Variants in NRCAM observed in about 807,000 individuals in gnomAD.
The protein encoded by NRCAM is NgCAM-related cell adhesion molecule.
A neutral mutation model predicts 156.5 loss-of-function variants in NRCAM; 83 were observed. That is an observed-to-expected ratio of 0.53 (90% CI 0.44 to 0.64). The LOEUF (loss-of-function observed/expected upper bound fraction) is 0.64, where lower values mean the gene tolerates loss of function less well. NRCAM is among the 30% of genes least tolerant of loss of function. The pLI is 0.00. For synonymous variants in NRCAM, 538 were observed against 563.9 expected (o/e 0.95, Z 0.65); for missense variants, 1,417 against 1,597.3 (o/e 0.89, Z 1.92).
intron 1 of NRCAM, among the ~76,000 whole-genome samples, chr7:108,409,357 T>C (rs1182169938): frequency 2.0e-5 from 3 of 152,180 alleles, no homozygotes; most frequent in Admixed American, 6.5e-5. Context: ...GCTCAATGCA[T>C]TGCACCTCCC....
At chr7:108,208,086 G>A (rs1300807677) in intron 12 of NRCAM, among the ~76,000 whole-genome samples, 1 of 150,890 alleles carries the variant, frequency 6.6e-6, no homozygotes, top group African/African-American at 2.4e-5. Flanking sequence ...TTGAGGTCAG[G>A]AGTTCGAAAC....
At chr7:108,177,939 T>C (rs1563275320) in intron 26 of NRCAM, 51 bp downstream of exon 26, 2 of 1,520,426 alleles carry the variant, frequency 1.3e-6, no homozygotes, top group East Asian at 2.4e-5. Context: ...ATTAAAATAA[T>C]AAATAAAATA....
At chr7:108,178,747 A>G (rs2061993749) in intron 25 of NRCAM, among the ~76,000 whole-genome samples, 1 of 152,142 alleles carries the variant, frequency 6.6e-6, no homozygotes, top group Non-Finnish European at 1.5e-5. Flanking sequence ...ATGTCTGCTC[A>G]TCTTTTATTC....
At chr7:108,437,653 G>GA (rs1339607582) in intron 1 of NRCAM, among the ~76,000 whole-genome samples, 2 of 151,946 alleles carry the variant, frequency 1.3e-5, no homozygotes, top group South Asian at 2.1e-4. Context: ...ACTACTGAAA[G>GA]AAAAAAATCT....
intron 3 of NRCAM, among the ~76,000 whole-genome samples, chr7:108,268,635 TTG>T (rs2097206122): frequency 1.1e-4 from 4 of 37,634 alleles, no homozygotes; most frequent in Admixed American, 2.7e-4. Context: ...TGGGGGGGGG[TTG>T]GGGGGGGCGG....
chr7:108,417,208 G>C (rs865843602), intron 1 of NRCAM, among the ~76,000 whole-genome samples: 3 of 152,290 alleles, frequency 2.0e-5, no homozygotes, highest in Admixed American at 6.5e-5. Context: ...TTGCTATGGA[G>C]ATGTCTTAGT....
At chr7:108,212,552 A>C (rs1200581347) in intron 11 of NRCAM, among the ~76,000 whole-genome samples, 2 of 152,200 alleles carry the variant, frequency 1.3e-5, no homozygotes, top group Admixed American at 1.3e-4. Flanking sequence ...TAAAGAAAAA[A>C]CAATCAAAAC....
chr7:108,334,300 T>C lies in NRCAM; in HGVS notation c.-173-21569A>G, dbSNP rs751711320. Among the ~76,000 whole-genome samples, 119 of 152,352 alleles carry C rather than the reference T, an allele frequency of 7.8e-4. 1 individual carries two copies. The highest frequency in any genetic ancestry group is 1.5e-3 in the Non-Finnish European group (104 of 68,034). On this transcript the variant is annotated intron_variant, in intron 2 of 32. Coordinates refer to ENST00000379028, the MANE Select transcript of NRCAM (RefSeq NM_001037132.4). ...TAAATATTTCAAACAGTTCAATAGA[T>C]GTAAGACATGATAATCTTCCCAAAC...
intron 26 of NRCAM, among the ~76,000 whole-genome samples, chr7:108,177,643 A>ATG (rs1383910583): frequency 4.5e-5 from 1 of 22,388 alleles, no homozygotes; most frequent in African/African-American, 7.7e-5. Context: ...ATATATATAT[A>ATG]TATATATATA....
intron 1 of NRCAM, among the ~76,000 whole-genome samples, chr7:108,434,460 C>A (rs1829637765): frequency 6.6e-6 from 1 of 151,854 alleles, no homozygotes; most frequent in Non-Finnish European, 1.5e-5. Context: ...TTCACATATA[C>A]TGAGTTGACC....
At chr7:108,318,397 C>T (rs1191782625) in intron 2 of NRCAM, among the ~76,000 whole-genome samples, 1 of 151,858 alleles carries the variant, frequency 6.6e-6, no homozygotes, top group Non-Finnish European at 1.5e-5. Context: ...GCATGTGGTC[C>T]CAGGCTACAC....
At chr7:108,411,179 T>C (rs1422656820) in intron 1 of NRCAM, among the ~76,000 whole-genome samples, 1 of 152,240 alleles carries the variant, frequency 6.6e-6, no homozygotes, top group East Asian at 1.9e-4. Flanking sequence ...ATGTTATTAA[T>C]ATAGGACTAC....
chr7:108,233,369 C>A (rs2094543735), intron 6 of NRCAM, among the ~76,000 whole-genome samples: 1 of 152,174 alleles, frequency 6.6e-6, no homozygotes, highest in Non-Finnish European at 1.5e-5. Flanking sequence ...AGGGCAGGAA[C>A]TGGTGGTGTG....
At chr7:108,214,643 A>G (rs1406242331) in intron 11 of NRCAM, among the ~76,000 whole-genome samples, 3 of 152,076 alleles carry the variant, frequency 2.0e-5, no homozygotes, top group Non-Finnish European at 4.4e-5. Context: ...GTTTTCTGCT[A>G]GCTTTTGAAT....
At chr7:108,385,457 T>A (rs1045638997) in intron 2 of NRCAM, among the ~76,000 whole-genome samples, 1 of 152,216 alleles carries the variant, frequency 6.6e-6, no homozygotes, top group African/African-American at 2.4e-5. Flanking sequence ...AGCATGCATT[T>A]TGAGGTGTGC....
intron 1 of NRCAM, among the ~76,000 whole-genome samples, chr7:108,411,546 A>G (rs888300725): frequency 6.6e-6 from 1 of 152,126 alleles, no homozygotes; most frequent in African/African-American, 2.4e-5. Flanking sequence ...TTCTATTTTT[A>G]TAAAATAAAA....
intron 1 of NRCAM, among the ~76,000 whole-genome samples, chr7:108,404,801 C>A (rs1221652199): frequency 6.6e-6 from 1 of 152,178 alleles, no homozygotes; most frequent in East Asian, 1.9e-4. Flanking sequence ...GTGATAAACA[C>A]AATGAGAGCC....
intron 2 of NRCAM, among the ~76,000 whole-genome samples, chr7:108,389,589 T>C (rs1489154633): frequency 1.3e-5 from 2 of 152,214 alleles, no homozygotes; most frequent in African/African-American, 2.4e-5. Flanking sequence ...CTTCCAACAC[T>C]ATGTTGAATA....
chr7:108,182,503 G>T (rs1383200093), intron 23 of NRCAM, among the ~76,000 whole-genome samples, 192 bp downstream of exon 23: 1 of 152,226 alleles, frequency 6.6e-6, no homozygotes, highest in African/African-American at 2.4e-5. Flanking sequence ...GATACCAAGG[G>T]ACAACTATAC....
Sources: allele counts gnomAD v4.1 joint callset (sites outside exome capture counted in the v4.1 genomes callset), GRCh38; gene constraint gnomAD v4.1.1; transcripts MANE v1.5; gene names NCBI Gene and HGNC (gene_info 2026-07-23, HGNC 2026-07-21).